The following DACH1 variants were observed in gnomAD, a reference collection of about 807,000 sequenced individuals.
DACH1 encodes dachshund homolog 1.
DACH1 carries 12 observed loss-of-function variants against 54.2 expected under a neutral mutation model. The ratio of observed to expected loss-of-function variants is 0.22; its 90% CI spans 0.14 to 0.36. The LOEUF (loss-of-function observed/expected upper bound fraction) is 0.36. Ranked by LOEUF, DACH1 falls within the 10% of genes least tolerant of loss-of-function variation. The pLI, the probability that DACH1 is intolerant of heterozygous loss-of-function variation, is 1.00. For missense variants in DACH1, 805 were observed against 929.8 expected, an observed-to-expected ratio of 0.87 and a Z score of 1.75; for synonymous variants, 386 against 366.2, an observed-to-expected ratio of 1.05 and a Z score of -0.62.
intron 3 of DACH1, among the ~76,000 whole-genome samples, chr13:71,621,214 G>A (rs534513564): frequency 8.6e-5 from 13 of 151,898 alleles, no homozygotes; most frequent in South Asian, 2.1e-4. Context: ...CTTTTTGGCC[G>A]AACAATTTAT....
chr13:71,686,831 GAAAGA>G (rs946158499), intron 1 of DACH1, among the ~76,000 whole-genome samples: 28 of 152,308 alleles, frequency 1.8e-4, no homozygotes, highest in African/African-American at 6.3e-4. Context: ...CTGGAGAAAG[GAAAGA>G]AAAGTTCCAT....
In DACH1 at chr13:71,815,524, G is replaced by A. The variant is rs74099145; in HGVS notation, c.848+50398C>T. 1.2e-3 allele frequency among the ~76,000 whole-genome samples: 183 copies of A among 152,180 alleles called. 1 individual carries two copies. The highest frequency in any genetic ancestry group is 4.3e-3 in the African/African-American group (179 of 41,534). ...CATTTATAAAAAGAAAGACAACTGGGCATTTCAGAATTTAAAATAATTGAA... is the reference window on the plus strand; with the variant it reads ...CATTTATAAAAAGAAAGACAACTGGACATTTCAGAATTTAAAATAATTGAA... On this transcript the variant is annotated intron_variant, in intron 1 of 10. Transcript: ENST00000613252.
chr13:71,622,264 G>A (rs941229264), intron 3 of DACH1, among the ~76,000 whole-genome samples: 44 of 151,958 alleles, frequency 2.9e-4, no homozygotes, highest in African/African-American at 1.0e-3. Context: ...CTGGTGACAG[G>A]TGCATTGGGC....
intron 1 of DACH1, among the ~76,000 whole-genome samples, chr13:71,819,015 G>A (rs1160751890): frequency 2.0e-5 from 3 of 152,152 alleles, no homozygotes; most frequent in Admixed American, 6.5e-5. Context: ...GGGAGTATTC[G>A]CTAAAGTATC....
At chr13:71,506,126 C>T in intron 6 of DACH1, among the ~76,000 whole-genome samples, 1 of 151,466 alleles carries the variant, frequency 6.6e-6, no homozygotes, top group Non-Finnish European at 1.5e-5. Flanking sequence ...TCACATAAAG[C>T]TCTTAAGATT....
Position 71,822,057 on chromosome 13 carries a change from C to CA in DACH1, c.848+43864dup, listed in dbSNP as rs528493155. On this transcript the variant is annotated intron_variant, in intron 1 of 10. Coordinates refer to ENST00000613252, the MANE Select transcript of DACH1 (RefSeq NM_080759.6). ...GCCTGGCAACAGAGCGAGATTCCATCAAAAAAAAGAAAAGAAAAGACAAAG... is the reference window on the plus strand; with the variant it reads ...GCCTGGCAACAGAGCGAGATTCCATCAAAAAAAAAGAAAAGAAAAGACAAAG... Among the ~76,000 whole-genome samples, 794 of 151,112 alleles carry CA rather than the reference C, an allele frequency of 5.3e-3. 3 individuals carry two copies. The highest frequency in any genetic ancestry group is 8.7e-3 in the Non-Finnish European group (592 of 67,708).
chr13:71,851,222 G>T (rs935026989), intron 1 of DACH1, among the ~76,000 whole-genome samples: 1 of 152,078 alleles, frequency 6.6e-6, no homozygotes, highest in East Asian at 1.9e-4. Context: ...TTAATCAAAG[G>T]CAAGTAGCTT....
At chr13:71,695,724 T>C (rs1270540985) in intron 1 of DACH1, among the ~76,000 whole-genome samples, 2 of 152,210 alleles carry the variant, frequency 1.3e-5, no homozygotes, top group South Asian at 2.1e-4. Flanking sequence ...CCCAGCTATA[T>C]TGCAAGTCCT....
At chr13:71,444,183 G>A (rs965971021) in intron 10 of DACH1, among the ~76,000 whole-genome samples, 2 of 152,176 alleles carry the variant, frequency 1.3e-5, no homozygotes, top group South Asian at 4.2e-4. Context: ...CTGTTCTAAA[G>A]ATAATTTTGA....
At chr13:71,630,348 T>C (rs956948263) in intron 3 of DACH1, among the ~76,000 whole-genome samples, 1 of 152,164 alleles carries the variant, frequency 6.6e-6, no homozygotes, top group Non-Finnish European at 1.5e-5. Context: ...ATCCTATAAT[T>C]AAAAATAATG....
chr13:71,574,385 C>T (rs186766759), intron 3 of DACH1, among the ~76,000 whole-genome samples: 2 of 151,932 alleles, frequency 1.3e-5, no homozygotes. Context: ...CTGTAATATC[C>T]CTATCAGCTC....
chr13:71,685,696 T>C (rs1240742346), intron 1 of DACH1, among the ~76,000 whole-genome samples: 1 of 152,142 alleles, frequency 6.6e-6, no homozygotes, highest in African/African-American at 2.4e-5. Context: ...TGTAAAATAA[T>C]TGAATATTTA....
chr13:71,450,425 A>G (rs1874932003), intron 10 of DACH1, among the ~76,000 whole-genome samples: 1 of 152,086 alleles, frequency 6.6e-6, no homozygotes, highest in East Asian at 1.9e-4. Flanking sequence ...AACTTAATAA[A>G]TGTTGCGTGT....
chr13:71,783,748 A>G (rs1886475511), intron 1 of DACH1, among the ~76,000 whole-genome samples: 1 of 152,000 alleles, frequency 6.6e-6, no homozygotes, highest in South Asian at 2.1e-4. Context: ...GGGCAGGGAG[A>G]GTTTCACAGA....
intron 6 of DACH1, among the ~76,000 whole-genome samples, chr13:71,539,738 T>G (rs920302593): frequency 6.6e-6 from 1 of 152,086 alleles, no homozygotes; most frequent in East Asian, 1.9e-4. Context: ...CTTTATTTAT[T>G]TCCTGTCATT....
At chr13:71,596,104 A>T (rs1874075245) in intron 3 of DACH1, among the ~76,000 whole-genome samples, 1 of 149,756 alleles carries the variant, frequency 6.7e-6, no homozygotes, top group African/African-American at 2.4e-5. Context: ...ACATATATGT[A>T]TTTTTTTTTT....
intron 1 of DACH1, among the ~76,000 whole-genome samples, chr13:71,793,940 T>C (rs1183151074): frequency 6.6e-6 from 1 of 152,176 alleles, no homozygotes; most frequent in East Asian, 1.9e-4. Context: ...CAAATCACAG[T>C]TCTGGTCTTA....
intron 1 of DACH1, among the ~76,000 whole-genome samples, chr13:71,698,286 G>A (rs900152374): frequency 6.6e-6 from 1 of 152,078 alleles, no homozygotes; most frequent in African/African-American, 2.4e-5. Flanking sequence ...TATGTAATTA[G>A]TTAATAAACA....
At chr13:71,758,383 C>T (rs1431931799) in intron 1 of DACH1, among the ~76,000 whole-genome samples, 1 of 152,126 alleles carries the variant, frequency 6.6e-6, no homozygotes. Flanking sequence ...TAAAGAAATA[C>T]AGGGAGTGAG....
Sources: allele counts gnomAD v4.1 joint callset (sites outside exome capture counted in the v4.1 genomes callset), GRCh38; gene constraint gnomAD v4.1.1; transcripts MANE v1.5; gene names NCBI Gene and HGNC (gene_info 2026-07-23, HGNC 2026-07-21).